The following MAP2K6 variants were observed in gnomAD, a reference collection of about 807,000 sequenced individuals.
MAP2K6 encodes dual specificity mitogen-activated protein kinase kinase 6.
In MAP2K6, 16 loss-of-function variants were observed where a neutral mutation model predicts 53.7. The observed-to-expected ratio is 0.30, with a 90% CI of 0.20 to 0.45. The LOEUF (loss-of-function observed/expected upper bound fraction) is 0.45. Ranked by LOEUF, MAP2K6 falls within the 20% of genes least tolerant of loss-of-function variation. The pLI, the probability that MAP2K6 is intolerant of heterozygous loss-of-function variation, is 1.00. For missense variants in MAP2K6, 204 were observed against 411.9 expected (o/e 0.50, Z 4.37); for synonymous variants, 132 against 143.1 (o/e 0.92, Z 0.55).
chr17:69,480,403 G>A (rs775583521), intron 1 of MAP2K6, among the ~76,000 whole-genome samples: 7 of 152,184 alleles, frequency 4.6e-5, no homozygotes, highest in Admixed American at 4.6e-4. Context: ...TCTTACCCCG[G>A]GGACTAGTTT....
chr17:69,508,445 A>G (rs1434607024), intron 2 of MAP2K6, among the ~76,000 whole-genome samples: 1 of 152,138 alleles, frequency 6.6e-6, no homozygotes, highest in Admixed American at 6.5e-5. Context: ...TTCCATCTAT[A>G]TATTTTTGGT....
intron 1 of MAP2K6, among the ~76,000 whole-genome samples, chr17:69,464,966 G>A (rs530469313): frequency 5.7e-4 from 86 of 151,496 alleles, no homozygotes; most frequent in Non-Finnish European, 8.3e-4. Context: ...CCTCCGCCTC[G>A]GCCTCCCGAA....
At chr17:69,502,365 C>T (rs1909212955) in intron 1 of MAP2K6, 5 of 985,332 alleles carry the variant, frequency 5.1e-6, no homozygotes, top group Non-Finnish European at 6.0e-6. Flanking sequence ...GAAAACCTCA[C>T]CAGAGTCGCC....
intron 1 of MAP2K6, among the ~76,000 whole-genome samples, chr17:69,452,705 A>G (rs1907270747): frequency 6.6e-6 from 1 of 152,200 alleles, no homozygotes; most frequent in South Asian, 2.1e-4. Flanking sequence ...TTTTGCTACC[A>G]TAGTAAAAAT....
chr17:69,466,021 C>T (rs547657391), intron 1 of MAP2K6, among the ~76,000 whole-genome samples: 1 of 149,830 alleles, frequency 6.7e-6, no homozygotes, highest in Non-Finnish European at 1.5e-5. Context: ...GCCTGTAATC[C>T]CAGGACTTTG....
intron 1 of MAP2K6, among the ~76,000 whole-genome samples, chr17:69,439,032 A>T (rs775748429): frequency 7.2e-5 from 11 of 152,226 alleles, no homozygotes; most frequent in Admixed American, 6.5e-5. Context: ...GCAATGATAG[A>T]GTTGAGTTAT....
chr17:69,503,581 C>A (rs947709093), intron 1 of MAP2K6, among the ~76,000 whole-genome samples: 3 of 152,144 alleles, frequency 2.0e-5, no homozygotes, highest in African/African-American at 7.2e-5. Context: ...TACTGCGAAG[C>A]ATATTTTTTC....
At chr17:69,535,661 A>T (rs1458752087) in intron 10 of MAP2K6, among the ~76,000 whole-genome samples, 2 of 152,228 alleles carry the variant, frequency 1.3e-5, no homozygotes, top group African/African-American at 4.8e-5. Flanking sequence ...AGGACTATAT[A>T]AAAGCAAATT....
chr17:69,514,108 T>TAA (rs35309500), intron 2 of MAP2K6, among the ~76,000 whole-genome samples: 15 of 144,350 alleles, frequency 1.0e-4, no homozygotes, highest in African/African-American at 3.8e-4. Flanking sequence ...GACTCTGTCT[T>TAA]AAAAAAAAAA....
At position 69,449,531 on chromosome 17, in the gene MAP2K6, G is replaced by GTCTTTCTTTCTTTGTCTTTCTT. The variant is rs1555602226; in HGVS notation, c.16+34544_16+34545insGTCTTTCTTTCTTTCTTTCTTT. 3.8e-3 allele frequency among the ~76,000 whole-genome samples: 392 copies of GTCTTTCTTTCTTTGTCTTTCTT among 103,346 alleles called. 3 individuals are homozygous for GTCTTTCTTTCTTTGTCTTTCTT. The highest frequency in any genetic ancestry group is 7.0e-3 in the South Asian group (22 of 3,124). 67.8% of individuals were successfully genotyped at this position (103,346 alleles called of 152,430 possible). A position where few individuals can be genotyped will look rare whatever the true frequency, so the allele number is the denominator to read the frequency against. ...TTTCTTTCTTTGTCTTTCTTTCTTT[G>GTCTTTCTTTCTTTGTCTTTCTT]TCTTTCTTTCTTTCTTTCTTTCTTT... is the stretch of plus-strand genomic sequence containing the variant. On this transcript the variant is annotated intron_variant, in intron 1 of 11. Transcript: ENST00000590474.
chr17:69,419,188 A>G (rs1232918927), intron 1 of MAP2K6, among the ~76,000 whole-genome samples: 6 of 152,182 alleles, frequency 3.9e-5, no homozygotes, highest in Non-Finnish European at 7.3e-5. Context: ...TTGAGTTTTC[A>G]AACAGTTTCC....
intron 6 of MAP2K6, chr17:69,520,608 C>G: frequency 2.0e-6 from 1 of 509,508 alleles, no homozygotes; most frequent in South Asian, 3.1e-5. Flanking sequence ...TTAAATGACT[C>G]TAAGTGCTGC....
chr17:69,449,508 T>C (rs1907100324), intron 1 of MAP2K6, among the ~76,000 whole-genome samples: 1 of 134,120 alleles, frequency 7.5e-6, no homozygotes, highest in South Asian at 2.5e-4. Flanking sequence ...CTTTTTTCTT[T>C]CTTTCTTTGT....
chr17:69,426,819 A>T (rs1369115001), intron 1 of MAP2K6, among the ~76,000 whole-genome samples: 1 of 152,104 alleles, frequency 6.6e-6, no homozygotes, highest in Non-Finnish European at 1.5e-5. Context: ...AAGAAAAGAA[A>T]ATGCCCCAGC....
chr17:69,447,021 A>G (rs1906991550), intron 1 of MAP2K6, among the ~76,000 whole-genome samples: 1 of 136,540 alleles, frequency 7.3e-6, no homozygotes, highest in Admixed American at 8.1e-5. Context: ...CTTGTTGCCC[A>G]GGCTGGAGTA....
chr17:69,456,035 A>G (rs887357828), intron 1 of MAP2K6, among the ~76,000 whole-genome samples: 16 of 151,698 alleles, frequency 1.1e-4, no homozygotes, highest in African/African-American at 7.3e-5. Flanking sequence ...TAATTTTTGT[A>G]TTTTTAATAG....
At chr17:69,481,465 TG>T in intron 1 of MAP2K6, among the ~76,000 whole-genome samples, 1 of 152,332 alleles carries the variant, frequency 6.6e-6, no homozygotes, top group South Asian at 2.1e-4. Flanking sequence ...GCTATGAACA[TG>T]GGTGTACAGA....
intron 1 of MAP2K6, among the ~76,000 whole-genome samples, chr17:69,423,454 C>T (rs1906162488): frequency 6.6e-6 from 1 of 152,126 alleles, no homozygotes; most frequent in Non-Finnish European, 1.5e-5. Flanking sequence ...CTATCTGGTC[C>T]CTTGCAGAAA....
chr17:69,524,731 G>T (rs1352445360), intron 8 of MAP2K6, among the ~76,000 whole-genome samples, 170 bp from the exon 9 acceptor site: 2 of 152,174 alleles, frequency 1.3e-5, no homozygotes, highest in Non-Finnish European at 2.9e-5. Context: ...ACCCCACGGA[G>T]GCATTGATAT....
Sources: allele counts gnomAD v4.1 joint callset (sites outside exome capture counted in the v4.1 genomes callset), GRCh38; gene constraint gnomAD v4.1.1; transcripts MANE v1.5; gene names NCBI Gene and HGNC (gene_info 2026-07-23, HGNC 2026-07-21).